EDEM3: variants seen among roughly 807,000 people sequenced by gnomAD.
EDEM3 encodes the protein ER degradation enhancing alpha-mannosidase like protein 3, also known as ER degradation-enhancing alpha-mannosidase-like protein 3.
In EDEM3, 60 loss-of-function variants were observed where a neutral mutation model predicts 110.2. The ratio of observed to expected loss-of-function variants is 0.54; its 90% CI spans 0.44 to 0.67. The LOEUF is 0.67. Among genes scored for constraint, EDEM3 ranks in the 30% least tolerant of loss-of-function variants. EDEM3 has a pLI of 0.00. For synonymous variants in EDEM3, 352 were observed against 382.9 expected (o/e 0.92, Z 0.94); for missense variants, 996 against 1,121.0 (o/e 0.89, Z 1.59).
In EDEM3 at chr1:184,746,030, ACTG is replaced by A. The variant is rs1339537930; in HGVS notation, c.204+3514_204+3516del. Among the ~76,000 whole-genome samples, 4 of 152,356 alleles carry A rather than the reference ACTG, an allele frequency of 2.6e-5. No homozygotes were observed. In the East Asian group the frequency reaches 5.8e-4, roughly 22 times the overall value. On this transcript the variant is annotated intron_variant, in intron 2 of 19. Coordinates refer to ENST00000318130, the MANE Select transcript of EDEM3 (RefSeq NM_025191.4). ...TGGGGTTAAATAAGGTCACACAAGA[ACTG>A]CTAAGATAAACATCAAATTCATGTC...
rs1558046242 is a variant in EDEM3 at position 184,708,227 on chromosome 1, G to A, written c.1963C>T (p.His655Tyr). 1 of 1,613,696 alleles carries A rather than the reference G, an allele frequency of 6.2e-7. No individual in the cohort carries two copies. The highest frequency in any genetic ancestry group is 8.5e-7 in the Non-Finnish European group (1 of 1,179,838). ...LPPRAVQIVS[H>Y]PFFGRVVLTA... ...AATACTACCCTGCCAAAAAATGGGT[G>A]GGAAACAATTTGTACAGCTCGTGGA... The change falls in exon 17 of 20, where the codon CAC (histidine) becomes TAC (tyrosine). Residue 655 changes from histidine (H) to tyrosine (Y), a missense_variant. Around this residue, in one of 5 missense-constraint regions of EDEM3, gnomAD observed 345 missense variants for 402.0 expected, o/e 0.86. Coordinates refer to ENST00000318130, the MANE Select transcript of EDEM3 (RefSeq NM_025191.4).
At chr1:184,705,054 G>GAGCA (rs1489120879) in intron 18 of EDEM3, among the ~76,000 whole-genome samples, 30 of 152,064 alleles carry the variant, frequency 2.0e-4, no homozygotes, top group Admixed American at 2.0e-3. Context: ...CTGGGTGACA[G>GAGCA]AGCAAGACAC....
intron 19 of EDEM3, among the ~76,000 whole-genome samples, chr1:184,695,879 G>A (rs143831527): frequency 1.2e-3 from 177 of 151,904 alleles, no homozygotes; most frequent in African/African-American, 4.1e-3. Flanking sequence ...GTATTGCTGG[G>A]GCACAGAAAA....
intron 10 of EDEM3, 56 bp from the exon 11 acceptor site, chr1:184,719,301 A>G: frequency 6.6e-7 from 1 of 1,506,380 alleles, no homozygotes; most frequent in Non-Finnish European, 8.9e-7. Flanking sequence ...TTTTATCTCT[A>G]ATCATTACAT....
chr1:184,701,262 G>A (rs999581923), intron 19 of EDEM3, among the ~76,000 whole-genome samples: 4 of 152,042 alleles, frequency 2.6e-5, no homozygotes, highest in Non-Finnish European at 5.9e-5. Context: ...TTGTTAGAGT[G>A]ACTCTTGTAT....
At chr1:184,716,401 CATCT>C (rs1487037929) in intron 13 of EDEM3, among the ~76,000 whole-genome samples, 2 of 152,130 alleles carry the variant, frequency 1.3e-5, no homozygotes, top group Non-Finnish European at 2.9e-5. Context: ...ATACCATCTA[CATCT>C]ATCCAGTGTC....
At chr1:184,749,188 T>C (rs1422830771) in intron 2 of EDEM3, among the ~76,000 whole-genome samples, 1 of 152,202 alleles carries the variant, frequency 6.6e-6, no homozygotes, top group Non-Finnish European at 1.5e-5. Context: ...CTTCAGTGTA[T>C]AAATATTGTA....
chr1:184,704,021 G>A (rs1479285500), intron 18 of EDEM3, among the ~76,000 whole-genome samples: 1 of 152,184 alleles, frequency 6.6e-6, no homozygotes, highest in East Asian at 1.9e-4. Flanking sequence ...CCCAGAGGTA[G>A]AGATACAGAG....
chr1:184,694,217 T>G lies in EDEM3; in HGVS notation c.2645A>C (p.Asp882Ala). 1.2e-6 allele frequency: 2 copies of G among 1,613,514 alleles called. No homozygotes were observed. Among genetic ancestry groups the G allele is most frequent in the Non-Finnish European group, 1.7e-6 (2 of 1,179,672 alleles). Residue 882 changes from aspartate (D) to alanine (A), a missense_variant, in exon 20 of 20, where the codon GAT becomes GCT. Asp to Ala is a moderately radical substitution (Grantham distance 126). Coordinates refer to ENST00000318130, the MANE Select transcript of EDEM3 (RefSeq NM_025191.4). ...ETTNLNGECT[D>A]LDNQLQEQSE... ...TTGTTCTTGAAGCTGGTTATCTAAA[T>G]CTGTACATTCACCATTAAGATTTGT...
intron 6 of EDEM3, among the ~76,000 whole-genome samples, chr1:184,727,541 T>C (rs1651257302): frequency 6.6e-6 from 1 of 152,136 alleles, no homozygotes; most frequent in South Asian, 2.1e-4. Flanking sequence ...CAGATATCAA[T>C]TGCTAGGTAT....
chr1:184,739,167 C>A (rs1388502891), intron 2 of EDEM3, among the ~76,000 whole-genome samples: 2 of 151,104 alleles, frequency 1.3e-5, no homozygotes, highest in Non-Finnish European at 3.0e-5. Flanking sequence ...AGTATTTATT[C>A]ATTCTACAGA....
Position 184,692,024 on chromosome 1 carries a change from G to A in EDEM3, c.*2039C>T, listed in dbSNP as rs1200750959. 1 of 152,030 alleles carries A rather than the reference G, an allele frequency of 6.6e-6. No individual in the cohort carries two copies. Among genetic ancestry groups the A allele is most frequent in the Admixed American group, 6.6e-5 (1 of 15,242 alleles). The allele number at this position is 152,030 out of a possible 1,614,324, so 9.4% of individuals were successfully genotyped here. ...GAAATTAGGTTGTTTTGATAACTTA[G>A]AAAAGTTAGTTTTAGACAACAGTGA... is the stretch of plus-strand genomic sequence containing the variant. On this transcript the variant is annotated 3_prime_UTR_variant, in exon 20 of 20. Transcript: ENST00000318130.
intron 16 of EDEM3, among the ~76,000 whole-genome samples, chr1:184,710,061 T>C (rs1482675863): frequency 2.0e-5 from 3 of 152,174 alleles, no homozygotes; most frequent in Non-Finnish European, 4.4e-5. Context: ...TTAAAACTAA[T>C]TACTAGTTTT....
chr1:184,701,741 TTC>T (rs1220222129), intron 19 of EDEM3, among the ~76,000 whole-genome samples: 1 of 152,118 alleles, frequency 6.6e-6, no homozygotes, highest in African/African-American at 2.4e-5. Flanking sequence ...TTGTATTCTG[TTC>T]TGTTTCCATC....
chr1:184,706,935 A>G, intron 17 of EDEM3, 127 bp from the exon 18 acceptor site: 1 of 930,808 alleles, frequency 1.1e-6, no homozygotes, highest in Non-Finnish European at 1.6e-6. Context: ...CGTATCTAAC[A>G]TATAGTCACC....
At chr1:184,729,305 A>C (rs1303940259) in intron 6 of EDEM3, among the ~76,000 whole-genome samples, 3 of 152,206 alleles carry the variant, frequency 2.0e-5, no homozygotes, top group Non-Finnish European at 4.4e-5. Flanking sequence ...TAAAGGCATA[A>C]ATTACCTACA....
chr1:184,754,754 C>A lies in EDEM3; in HGVS notation c.-108G>T. On this transcript the variant is annotated 5_prime_UTR_variant, in exon 1 of 20. Coordinates refer to ENST00000318130, the MANE Select transcript of EDEM3 (RefSeq NM_025191.4). ...AGCCGTGCCGAGACGGGGCGGGATG[C>A]GGAGTAACACGGACGGCCGCCGGCG... 1 of 1,390,300 alleles carries A rather than the reference C, an allele frequency of 7.2e-7. No individual in the cohort carries two copies. Among genetic ancestry groups the A allele is most frequent in the African/African-American group, 1.5e-5 (1 of 65,470 alleles). 86.1% of individuals were successfully genotyped at this position (1,390,300 alleles called of 1,614,324 possible).
intron 6 of EDEM3, among the ~76,000 whole-genome samples, chr1:184,730,264 A>C (rs1020882913): frequency 3.3e-5 from 5 of 152,188 alleles, no homozygotes; most frequent in African/African-American, 1.2e-4. Flanking sequence ...AGAAACTAAA[A>C]ATGTATAAAA....
intron 17 of EDEM3, 146 bp from the exon 18 acceptor site, chr1:184,706,954 T>C (rs943578141): frequency 9.1e-6 from 8 of 875,858 alleles, no homozygotes; most frequent in East Asian, 8.1e-5. Flanking sequence ...CCATAAAATA[T>C]TGTTTTAAAC....
Sources: gnomAD v4.1 joint callset for allele counts (sites outside exome capture counted in the v4.1 genomes callset) on GRCh38, gnomAD v4.1.1 for gene constraint, gnomAD v4.1.1 regional missense constraint, MANE v1.5 for transcripts, NCBI Gene and HGNC (gene_info 2026-07-23, HGNC 2026-07-21) for gene names.